SMURF2: variants seen among roughly 807,000 people sequenced by gnomAD.
The protein encoded by SMURF2 is SMAD specific E3 ubiquitin protein ligase 2.
SMURF2 carries 48 observed loss-of-function variants against 109.6 expected under a neutral mutation model. That is an observed-to-expected ratio of 0.44 (90% confidence interval 0.35 to 0.56). The LOEUF is 0.56. Among genes scored for constraint, SMURF2 ranks in the 20% least tolerant of loss-of-function variants. The pLI is 0.01. For missense variants in SMURF2, 575 were observed against 909.0 expected, an observed-to-expected ratio of 0.63 and a Z score of 4.72; for synonymous variants, 288 against 317.1, an observed-to-expected ratio of 0.91 and a Z score of 0.97.
chr17:64,550,658 T>C (rs1267991118), intron 16 of SMURF2, among the ~76,000 whole-genome samples: 1 of 150,912 alleles, frequency 6.6e-6, no homozygotes, highest in African/African-American at 2.4e-5. Context: ...CAGGTGCCTG[T>C]AGTCCCAGCT....
chr17:64,582,601 T>G (rs1969592709), intron 7 of SMURF2, among the ~76,000 whole-genome samples: 2 of 150,992 alleles, frequency 1.3e-5, no homozygotes, highest in South Asian at 2.1e-4. Context: ...TATTTTATTT[T>G]ATTTGTTTTA....
intron 1 of SMURF2, among the ~76,000 whole-genome samples, chr17:64,614,582 T>A (rs1022000582): frequency 2.0e-5 from 3 of 152,224 alleles, no homozygotes; most frequent in Non-Finnish European, 2.9e-5. Flanking sequence ...TTGTACTCAC[T>A]CCTTTTTCAG....
At chr17:64,597,214 G>C (rs1284874762) in intron 3 of SMURF2, among the ~76,000 whole-genome samples, 1 of 151,872 alleles carries the variant, frequency 6.6e-6, no homozygotes, top group Admixed American at 6.6e-5. Context: ...GACCAGACTG[G>C]GCAATATAGC....
chr17:64,648,785 C>A (rs1241133656), intron 1 of SMURF2, among the ~76,000 whole-genome samples: 1 of 152,098 alleles, frequency 6.6e-6, no homozygotes, highest in Non-Finnish European at 1.5e-5. Flanking sequence ...ACAAAACACA[C>A]ACACACACAC....
Position 64,661,972 on chromosome 17 carries a change from C to T in SMURF2, c.-92G>A. 1 of 1,121,222 alleles carries T rather than the reference C, an allele frequency of 8.9e-7. No homozygotes were observed. The highest frequency in any genetic ancestry group is 3.8e-4 in the Middle Eastern group (1 of 2,616). 69.5% of individuals were successfully genotyped at this position (1,121,222 alleles called of 1,614,324 possible). A position where few individuals can be genotyped will look rare whatever the true frequency, so the allele number is the denominator to read the frequency against. On this transcript the variant is annotated 5_prime_UTR_variant, in exon 1 of 19. Coordinates refer to ENST00000262435, the MANE Select transcript of SMURF2 (RefSeq NM_022739.4). ...CACCACAGCGGCCGGGGCTGGGGCC[C>T]GAGCAGCCGGCGCCTCGGCCGCCAC...
intron 2 of SMURF2, among the ~76,000 whole-genome samples, chr17:64,604,151 A>T (rs995594343): frequency 2.6e-5 from 4 of 152,198 alleles, no homozygotes; most frequent in African/African-American, 7.2e-5. Flanking sequence ...CACAGAATGG[A>T]CCTGCGACCT....
chr17:64,567,736 G>GT (rs1323675115), intron 10 of SMURF2, among the ~76,000 whole-genome samples: 2 of 152,116 alleles, frequency 1.3e-5, no homozygotes, highest in Admixed American at 1.3e-4. Flanking sequence ...AGGCTGGAAT[G>GT]TAGTGGTGTG....
At chr17:64,563,115 G>T in intron 10 of SMURF2, 149 bp from the exon 11 acceptor site, 1 of 631,182 alleles carries the variant, frequency 1.6e-6, no homozygotes, top group Non-Finnish European at 2.6e-6. Flanking sequence ...GACATTTTTT[G>T]GCAGCAATAA....
At chr17:64,654,185 C>T (rs1290570649) in intron 1 of SMURF2, among the ~76,000 whole-genome samples, 1 of 152,076 alleles carries the variant, frequency 6.6e-6, no homozygotes, top group Non-Finnish European at 1.5e-5. Context: ...TAATTCCTCC[C>T]TAAAAATGAA....
chr17:64,582,366 T>C (rs1293912854), intron 7 of SMURF2, among the ~76,000 whole-genome samples: 2 of 152,206 alleles, frequency 1.3e-5, no homozygotes, highest in African/African-American at 4.8e-5. Context: ...CTGCACAAGA[T>C]GGCAAATTTT....
intron 2 of SMURF2, among the ~76,000 whole-genome samples, chr17:64,605,445 G>C (rs782766930): frequency 6.6e-6 from 1 of 151,690 alleles, no homozygotes; most frequent in South Asian, 2.1e-4. Flanking sequence ...TATATTGGCC[G>C]GGCACAGTGG....
chr17:64,620,447 T>C (rs1252419576), intron 1 of SMURF2, among the ~76,000 whole-genome samples: 1 of 152,176 alleles, frequency 6.6e-6, no homozygotes, highest in Non-Finnish European at 1.5e-5. Flanking sequence ...TGATTCCTGT[T>C]TTCTCTCTCA....
intron 1 of SMURF2, among the ~76,000 whole-genome samples, chr17:64,618,319 T>C (rs1970153355): frequency 6.6e-6 from 1 of 152,150 alleles, no homozygotes; most frequent in South Asian, 2.1e-4. Flanking sequence ...AGCAGCACAT[T>C]CAGTATGAGA....
In SMURF2 at chr17:64,583,018, C is replaced by T. The variant is rs1307552582; in HGVS notation, c.569+443G>A. Among the ~76,000 whole-genome samples, 4 of 152,124 alleles carry T rather than the reference C, an allele frequency of 2.6e-5. No homozygotes were observed. The East Asian group carries it at 5.8e-4, about 22-fold the overall frequency. On this transcript the variant is annotated intron_variant, in intron 7 of 18. Transcript: ENST00000262435. The stretch of plus-strand genomic sequence containing the variant: ...TGTTCAAGCAATCCTCCCACCTCCA[C>T]GTCCCAAGTAGCTGGGACCACAAGC...
chr17:64,553,877 C>T (rs1029051981), intron 15 of SMURF2, among the ~76,000 whole-genome samples: 8 of 152,152 alleles, frequency 5.3e-5, no homozygotes, highest in Non-Finnish European at 1.2e-4. Flanking sequence ...AACTAGGAAA[C>T]ATTTTAGTAA....
chr17:64,619,314 T>A (rs1339832210), intron 1 of SMURF2, among the ~76,000 whole-genome samples: 1 of 151,116 alleles, frequency 6.6e-6, no homozygotes, highest in Non-Finnish European at 1.5e-5. Flanking sequence ...CCGTCTCTAC[T>A]AAAAATACAA....
intron 18 of SMURF2, 69 bp downstream of exon 18, chr17:64,546,194 A>C: frequency 6.8e-7 from 1 of 1,471,022 alleles, no homozygotes; most frequent in Non-Finnish European, 9.5e-7. Flanking sequence ...AATAAATAAA[A>C]AGTCAAATCT....
At chr17:64,556,800 T>A (rs1423568239) in intron 13 of SMURF2, among the ~76,000 whole-genome samples, 2 of 152,246 alleles carry the variant, frequency 1.3e-5, no homozygotes, top group African/African-American at 4.8e-5. Context: ...TAAATTCTTT[T>A]ACCTCTCTAT....
chr17:64,596,314 C>T (rs1555688098), intron 3 of SMURF2, among the ~76,000 whole-genome samples: 1 of 151,722 alleles, frequency 6.6e-6, no homozygotes, highest in East Asian at 1.9e-4. Flanking sequence ...AACGTGGATG[C>T]TAGGAAATTT....
Sources: allele counts gnomAD v4.1 joint callset (sites outside exome capture counted in the v4.1 genomes callset), GRCh38; gene constraint gnomAD v4.1.1; transcripts MANE v1.5; gene names NCBI Gene and HGNC (gene_info 2026-07-23, HGNC 2026-07-21).